Variants in DMD observed in about 807,000 individuals in gnomAD.
The protein encoded by DMD is mutant dystrophin.
DMD carries 63 observed loss-of-function variants against 330.1 expected under a neutral mutation model. The observed-to-expected ratio is 0.19, with a 90% CI of 0.16 to 0.24. The LOEUF is 0.24. DMD is among the 10% of genes least tolerant of loss of function. DMD has a pLI of 1.00. For missense variants in DMD, 3,344 were observed against 2,684.1 expected, an observed-to-expected ratio of 1.25 and a Z score of -5.43; for synonymous variants, 1,223 against 959.8, an observed-to-expected ratio of 1.27 and a Z score of -5.07.
chrX:32,770,768 T>G (rs945506191), intron 7 of DMD, among the ~76,000 whole-genome samples: 1 of 111,683 alleles, frequency 9.0e-6, no homozygotes, highest in Non-Finnish European at 1.9e-5. Context: ...TTATGAAGCT[T>G]AAATTCTAGG....
chrX:32,193,370 GC>G (rs1323365542), intron 44 of DMD, among the ~76,000 whole-genome samples: 1 of 111,955 alleles, frequency 8.9e-6, no homozygotes, highest in Non-Finnish European at 1.9e-5. Flanking sequence ...AAGAAAACAT[GC>G]CCATGTAATT....
At chrX:31,493,405 T>G (rs757010653) in intron 57 of DMD, among the ~76,000 whole-genome samples, 2 of 112,599 alleles carry the variant, frequency 1.8e-5, no homozygotes, top group African/African-American at 6.5e-5. Flanking sequence ...AGGGAAAAGT[T>G]TGCACAATGT....
chrX:32,127,818 A>G (rs192191645), intron 44 of DMD, among the ~76,000 whole-genome samples: 238 of 112,333 alleles, frequency 2.1e-3, no homozygotes, highest in African/African-American at 7.4e-3. Flanking sequence ...AGTATTTCTA[A>G]TTTTTCTTTC....
intron 9 of DMD, among the ~76,000 whole-genome samples, chrX:32,674,723 C>G (rs1205814201): frequency 6.3e-5 from 7 of 111,017 alleles, no homozygotes; most frequent in African/African-American, 2.3e-4. Flanking sequence ...TAGCTGTAAA[C>G]AAGGGAAAAG....
intron 47 of DMD, among the ~76,000 whole-genome samples, chrX:31,892,139 C>T (rs2094262535): frequency 8.9e-6 from 1 of 111,951 alleles, no homozygotes; most frequent in Non-Finnish European, 1.9e-5. Flanking sequence ...AAGTGGTAGA[C>T]ATTTAGCAAT....
intron 57 of DMD, among the ~76,000 whole-genome samples, chrX:31,485,503 A>G (rs1039890973): frequency 9.0e-6 from 1 of 111,526 alleles, no homozygotes; most frequent in Non-Finnish European, 1.9e-5. Flanking sequence ...GCCACTGATT[A>G]TTTTTTTCTG....
At chrX:31,509,700 T>A (rs1015558782) in intron 55 of DMD, among the ~76,000 whole-genome samples, 10 of 112,156 alleles carry the variant, frequency 8.9e-5, no homozygotes, top group African/African-American at 3.2e-4. Context: ...AATTTGCTAC[T>A]TTTCATCTTT....
chrX:31,407,755 T>A (rs1602546626), intron 60 of DMD, among the ~76,000 whole-genome samples: 2 of 110,465 alleles, frequency 1.8e-5, no homozygotes, highest in Non-Finnish European at 3.8e-5. Context: ...GCTGGGATTT[T>A]AGGCATGAGC....
chrX:32,047,743 C>T (rs1925992836), intron 44 of DMD, among the ~76,000 whole-genome samples: 1 of 110,925 alleles, frequency 9.0e-6, no homozygotes, highest in African/African-American at 3.3e-5. Context: ...CAAAAATTTA[C>T]AGATTATGTA....
intron 44 of DMD, among the ~76,000 whole-genome samples, chrX:32,141,047 T>A (rs1795583): frequency 0.42 from 45,831 of 110,383 alleles, 7,603 homozygotes; most frequent in Non-Finnish European, 0.52. Context: ...ATTTGATACA[T>A]TGCTCTGCAT....
chrX:32,607,487 A>T (rs1278324833), intron 12 of DMD, among the ~76,000 whole-genome samples: 1 of 110,152 alleles, frequency 9.1e-6, no homozygotes, highest in Non-Finnish European at 1.9e-5. Context: ...CAGTATCATT[A>T]CTTCCAATGA....
intron 48 of DMD, among the ~76,000 whole-genome samples, chrX:31,851,904 G>T (rs1388887591): frequency 9.0e-6 from 1 of 111,397 alleles, no homozygotes; most frequent in Non-Finnish European, 1.9e-5. Flanking sequence ...TCTGAAGGAA[G>T]TGAGGGAACG....
At chrX:31,635,985 T>C (rs1224597446) in intron 54 of DMD, among the ~76,000 whole-genome samples, 4 of 108,065 alleles carry the variant, frequency 3.7e-5, no homozygotes, top group African/African-American at 1.5e-4. Context: ...TTATAAACTG[T>C]TGGTTATAGT....
intron 7 of DMD, among the ~76,000 whole-genome samples, chrX:32,804,978 A>C (rs1281666234): frequency 8.9e-6 from 1 of 112,238 alleles, no homozygotes; most frequent in Non-Finnish European, 1.9e-5. Flanking sequence ...GTCAAAGATC[A>C]AAGGTAGATA....
chrX:33,214,627 G>A (rs746603865), upstream of DMD, among the ~76,000 whole-genome samples: 40 of 111,464 alleles, frequency 3.6e-4, no homozygotes, highest in African/African-American at 1.1e-3. Flanking sequence ...TCCAAAACCC[G>A]TTCTTTTCCT....
chrX:33,317,989 A>T (rs2053957399), intron 1 of DMD, among the ~76,000 whole-genome samples: 1 of 111,383 alleles, frequency 9.0e-6, no homozygotes, highest in Non-Finnish European at 1.9e-5. Context: ...GATAAAATGA[A>T]ATCATCATCA....
At chrX:31,349,207 CA>C (rs1315548409) in intron 60 of DMD, among the ~76,000 whole-genome samples, 3 of 112,502 alleles carry the variant, frequency 2.7e-5, no homozygotes, top group African/African-American at 9.7e-5. Context: ...TTTGGGAGGC[CA>C]AGTTGGCTGG....
At chrX:31,648,178 CA>C (rs1471348874) in intron 54 of DMD, among the ~76,000 whole-genome samples, 76 of 110,664 alleles carry the variant, frequency 6.9e-4, no homozygotes, top group Non-Finnish European at 1.2e-3. Context: ...AATATATTTG[CA>C]AAAATATGAT....
At chrX:31,937,503 GA>G (rs754590713) in intron 45 of DMD, among the ~76,000 whole-genome samples, 26 of 111,327 alleles carry the variant, frequency 2.3e-4, no homozygotes, top group Admixed American at 1.1e-3. Flanking sequence ...TTCTTATCTA[GA>G]TTTTTTTTAT....
Sources: allele counts gnomAD v4.1 joint callset (sites outside exome capture counted in the v4.1 genomes callset), GRCh38; gene constraint gnomAD v4.1.1; transcripts MANE v1.5; gene names NCBI Gene and HGNC (gene_info 2026-07-23, HGNC 2026-07-21).